The following GNPDA2 variants were observed in gnomAD, a reference collection of about 807,000 sequenced individuals.
The protein encoded by GNPDA2 is glucosamine-6-phosphate deaminase 2.
Under a neutral mutation model 27.0 loss-of-function variants are expected in GNPDA2, and 24 were observed. The ratio of observed to expected loss-of-function variants is 0.89; its 90% CI spans 0.64 to 1.25. The LOEUF (loss-of-function observed/expected upper bound fraction) is 1.25, where lower values mean the gene tolerates loss of function less well. Ranked by LOEUF, GNPDA2 falls within the 50% of genes most tolerant of loss-of-function variation. The pLI is 0.00. For synonymous variants in GNPDA2, 94 were observed against 108.4 expected (o/e 0.87, Z 0.83); for missense variants, 286 against 335.1 (o/e 0.85, Z 1.14).
chr4:44,704,047 T>TG, intron 6 of GNPDA2: 1 of 985,272 alleles, frequency 1.0e-6, no homozygotes, highest in Non-Finnish European at 1.2e-6. Flanking sequence ...AGTAAACAGA[T>TG]GTTCCTTGTC....
chr4:44,703,620 G>A, intron 6 of GNPDA2: 1 of 983,344 alleles, frequency 1.0e-6, no homozygotes, highest in Non-Finnish European at 1.2e-6. Context: ...GTGTATTTAT[G>A]ACAAAGGTTG....
chr4:44,711,547 T>C (rs1032141483), intron 4 of GNPDA2, among the ~76,000 whole-genome samples: 1 of 152,092 alleles, frequency 6.6e-6, no homozygotes, highest in African/African-American at 2.4e-5. Context: ...AAGTGACTTG[T>C]TCAATGTCAC....
Position 44,722,150 on chromosome 4 carries a change from T to G in GNPDA2, c.58A>C (p.Ile20Leu). ...TTGAACTGAATGATGCGATTACAGATGTATTTGGCTGCCCATTCACTAGCC... is the reference window on the plus strand; with the variant it reads ...TTGAACTGAATGATGCGATTACAGAGGTATTTGGCTGCCCATTCACTAGCC... ...DLASEWAAKY[I>L]CNRIIQFKPG... Residue 20 changes from isoleucine (I) to leucine (L), a missense_variant, in exon 2 of 7, where the codon ATC (isoleucine) becomes CTC (leucine). Coordinates refer to ENST00000295448, the MANE Select transcript of GNPDA2 (RefSeq NM_138335.3). 1.2e-6 allele frequency: 2 copies of G among 1,613,256 alleles called. No individual in the cohort carries two copies. Among genetic ancestry groups the G allele is most frequent in the Non-Finnish European group, 1.7e-6 (2 of 1,179,280 alleles).
At chr4:44,713,593 T>C (rs1194393045) in intron 4 of GNPDA2, among the ~76,000 whole-genome samples, 1 of 152,188 alleles carries the variant, frequency 6.6e-6, no homozygotes, top group Non-Finnish European at 1.5e-5. Flanking sequence ...TTAAAAACAC[T>C]ATTAGGCCGG....
chr4:44,702,425 A>G lies in GNPDA2; in HGVS notation c.*656T>C. On this transcript the variant is annotated 3_prime_UTR_variant, in exon 7 of 7. Transcript: ENST00000295448. ...GGGACATGAACCCAAGTCGTTAAATAAAAATAAGATATTTGTAAAAAAGTG... is the reference window on the plus strand; with the variant it reads ...GGGACATGAACCCAAGTCGTTAAATGAAAATAAGATATTTGTAAAAAAGTG... 4.1e-6 allele frequency: 4 copies of G among 976,398 alleles called. No individual in the cohort carries two copies. The highest frequency in any genetic ancestry group is 4.9e-6 in the Non-Finnish European group (4 of 821,458). 60.5% of individuals were successfully genotyped at this position (976,398 alleles called of 1,614,324 possible).
chr4:44,709,541 C>G (rs1018099134), intron 5 of GNPDA2, among the ~76,000 whole-genome samples: 2 of 152,110 alleles, frequency 1.3e-5, no homozygotes, highest in East Asian at 1.9e-4. Flanking sequence ...AACCAGTGCT[C>G]AGGCAGATGT....
Position 44,703,119 on chromosome 4 carries a change from G to A in GNPDA2, c.793C>T (p.Leu265Phe), listed in dbSNP as rs899474827. ...FKGLMHVHNK[L>F]VDPLFSMKDG... ...TTCATACTGAATAGTGGATCCACAA[G>A]TTTATTGTGCACATGCATTAGACCT... The change falls in exon 7 of 7, where the codon CTT (leucine) becomes TTT (phenylalanine). Residue 265 changes from leucine to phenylalanine, a missense_variant. Coordinates refer to ENST00000295448, the MANE Select transcript of GNPDA2 (RefSeq NM_138335.3). 4 of 1,611,442 alleles carry A rather than the reference G, an allele frequency of 2.5e-6. No individual in the cohort carries two copies. Among genetic ancestry groups the A allele is most frequent in the African/African-American group, 1.3e-5 (1 of 74,774 alleles).
chr4:44,716,796 G>A (rs1717318985), intron 4 of GNPDA2, among the ~76,000 whole-genome samples: 1 of 151,822 alleles, frequency 6.6e-6, no homozygotes, highest in South Asian at 2.1e-4. Flanking sequence ...TTTAGGTAAA[G>A]AAACATATTA....
intron 6 of GNPDA2, 200 bp downstream of exon 6, chr4:44,707,552 T>C: frequency 2.7e-6 from 1 of 364,498 alleles, no homozygotes; most frequent in East Asian, 3.5e-5. Flanking sequence ...GAAGAGATTC[T>C]CTTCATGAAA....
At chr4:44,703,234 G>C in intron 6 of GNPDA2, 92 bp from the exon 7 acceptor site, 2 of 1,496,080 alleles carry the variant, frequency 1.3e-6, no homozygotes, top group Non-Finnish European at 1.8e-6. Context: ...ATAAGACACA[G>C]TAAGCCTGTT....
At chr4:44,723,411 C>T (rs1717803512) in intron 1 of GNPDA2, among the ~76,000 whole-genome samples, 1 of 152,126 alleles carries the variant, frequency 6.6e-6, no homozygotes, top group Non-Finnish European at 1.5e-5. Context: ...ACTCCCCAAC[C>T]CTTCTAAGCC....
intron 1 of GNPDA2, among the ~76,000 whole-genome samples, chr4:44,724,705 T>C (rs1302629405): frequency 6.6e-6 from 1 of 152,188 alleles, no homozygotes; most frequent in Non-Finnish European, 1.5e-5. Context: ...TTAAAAGGTC[T>C]TATTAAAATA....
In GNPDA2 at chr4:44,707,822, G is replaced by T. The variant is rs1044274566; in HGVS notation, c.699C>A (p.Pro233=). The T allele has an allele frequency of 8.7e-6, 14 of 1,613,220 alleles. No individual in the cohort carries two copies. Among genetic ancestry groups the T allele is most frequent in the Non-Finnish European group, 1.2e-5 (14 of 1,179,580 alleles). Residue 233 remains proline, a synonymous_variant, in exon 6 of 7, where the codon CCC becomes CCA. Coordinates refer to ENST00000295448, the MANE Select transcript of GNPDA2 (RefSeq NM_138335.3). Reference sequence around the variant, plus strand: ...CTTCATCGCATACAAAAATAGTCCGGGGATGCTGCTGGAAAGCGGAAACAG... The same window carrying T: ...CTTCATCGCATACAAAAATAGTCCGTGGATGCTGCTGGAAAGCGGAAACAG... The part of the protein sequence containing the change: ...MWTVSAFQQH[P]RTIFVCDEDA...
At chr4:44,718,056 C>T (rs1305035513) in intron 3 of GNPDA2, among the ~76,000 whole-genome samples, 1 of 151,796 alleles carries the variant, frequency 6.6e-6, no homozygotes, top group African/African-American at 2.4e-5. Flanking sequence ...AGTGGCAGAG[C>T]CCAGGATGAA....
intron 1 of GNPDA2, 59 bp from the exon 2 acceptor site, chr4:44,722,301 A>G (rs1717722854): frequency 7.8e-7 from 1 of 1,284,654 alleles, no homozygotes; most frequent in Non-Finnish European, 1.1e-6. Flanking sequence ...AAATTCAGTA[A>G]CTTTTTAAAA....
intron 1 of GNPDA2, 78 bp from the exon 2 acceptor site, chr4:44,722,320 TAATA>T (rs1231514792): frequency 1.3e-5 from 14 of 1,092,314 alleles, no homozygotes; most frequent in Admixed American, 2.7e-5. Context: ...AAGATGTAAA[TAATA>T]AATAGAGCAC....
intron 6 of GNPDA2, chr4:44,706,011 G>T (rs1716581281): frequency 6.6e-6 from 1 of 151,818 alleles, no homozygotes; most frequent in African/African-American, 2.4e-5. Context: ...GACAAAATTA[G>T]ATTAGTACAG....
Position 44,702,750 on chromosome 4 carries a change from G to A in GNPDA2, c.*331C>T. On this transcript the variant is annotated 3_prime_UTR_variant, in exon 7 of 7. Coordinates refer to ENST00000295448, the MANE Select transcript of GNPDA2 (RefSeq NM_138335.3). ...AAAAAATGAAATATACGCCACTGGA[G>A]TCATATCACAAATGGTGCCTGATGT... 1 of 1,118,634 alleles carries A rather than the reference G, an allele frequency of 8.9e-7. No individual in the cohort carries two copies. Among genetic ancestry groups the A allele is most frequent in the Non-Finnish European group, 1.1e-6 (1 of 916,874 alleles). 69.3% of individuals were successfully genotyped at this position (1,118,634 alleles called of 1,614,324 possible).
chr4:44,709,900 C>T (rs893389439), intron 5 of GNPDA2, among the ~76,000 whole-genome samples: 10 of 151,962 alleles, frequency 6.6e-5, no homozygotes, highest in Non-Finnish European at 2.9e-5. Flanking sequence ...ATCTCTTGAG[C>T]CCTGGAGGTT....
Sources: gnomAD v4.1 joint callset for allele counts (sites outside exome capture counted in the v4.1 genomes callset) on GRCh38, gnomAD v4.1.1 for gene constraint, MANE v1.5 for transcripts, NCBI Gene and HGNC (gene_info 2026-07-23, HGNC 2026-07-21) for gene names.